Variants in RGS3 observed in about 807,000 individuals in gnomAD.
RGS3 encodes regulator of G-protein signalling 3.
In RGS3, 80 loss-of-function variants were observed where a neutral mutation model predicts 132.6. That is an observed-to-expected ratio of 0.60 (90% CI 0.50 to 0.73). RGS3 has a LOEUF of 0.73. Among genes scored for constraint, RGS3 ranks in the 30% least tolerant of loss-of-function variants. The pLI is 0.00. For missense variants in RGS3, 1,382 were observed against 1,530.8 expected, an observed-to-expected ratio of 0.90 and a Z score of 1.62; for synonymous variants, 598 against 620.6, an observed-to-expected ratio of 0.96 and a Z score of 0.54.
chr9:113,569,577 CTT>C (rs1834174883), intron 19 of RGS3, among the ~76,000 whole-genome samples: 3 of 145,626 alleles, frequency 2.1e-5, no homozygotes, highest in Admixed American at 2.0e-4. Flanking sequence ...GTCTTTCCTT[CTT>C]TCCTTCCTTC....
At chr9:113,516,108 T>C (rs909773114) in intron 15 of RGS3, among the ~76,000 whole-genome samples, 1 of 152,232 alleles carries the variant, frequency 6.6e-6, no homozygotes, top group Non-Finnish European at 1.5e-5. Flanking sequence ...ATCAGCAGCA[T>C]AGACATGACT....
upstream of RGS3, among the ~76,000 whole-genome samples, chr9:113,456,495 C>T (rs746894969): frequency 8.5e-5 from 13 of 152,228 alleles, no homozygotes; most frequent in Non-Finnish European, 1.3e-4. Flanking sequence ...TACTCAATCA[C>T]CATGGCCTGT....
At chr9:113,474,749 G>A (rs1454476455) in intron 3 of RGS3, among the ~76,000 whole-genome samples, 1 of 152,196 alleles carries the variant, frequency 6.6e-6, no homozygotes, top group Non-Finnish European at 1.5e-5. Context: ...GGCTTCTGGG[G>A]TGAATTGGAT....
intron 19 of RGS3, among the ~76,000 whole-genome samples, chr9:113,546,611 A>G (rs1460917319): frequency 6.6e-6 from 1 of 152,214 alleles, no homozygotes; most frequent in Non-Finnish European, 1.5e-5. Flanking sequence ...ACTAGAGCTC[A>G]GGTCTCCTGA....
chr9:113,559,335 G>A (rs948492826), intron 19 of RGS3, among the ~76,000 whole-genome samples: 4 of 152,248 alleles, frequency 2.6e-5, no homozygotes, highest in Admixed American at 2.6e-4. Context: ...GAGCCAGGAA[G>A]GGAGACAGTC....
At chr9:113,516,760 G>C (rs1442254885) in intron 15 of RGS3, among the ~76,000 whole-genome samples, 1 of 152,132 alleles carries the variant, frequency 6.6e-6, no homozygotes, top group Non-Finnish European at 1.5e-5. Flanking sequence ...GCAGTGGTAT[G>C]ATCACAGCTC....
chr9:113,497,891 C>T, intron 9 of RGS3, 134 bp from the exon 8 acceptor site: 1 of 793,368 alleles, frequency 1.3e-6, no homozygotes, highest in East Asian at 2.7e-5. Flanking sequence ...CTCAGGTGTC[C>T]CCACATCCTG....
At chr9:113,454,273 G>C (rs1202721395) in intron 1 of RGS3, among the ~76,000 whole-genome samples, 1 of 151,958 alleles carries the variant, frequency 6.6e-6, no homozygotes, top group Non-Finnish European at 1.5e-5. Flanking sequence ...ATTCTTACAA[G>C]TATTCTTTAG....
In RGS3 at chr9:113,536,675, G is replaced by A. The variant is rs560061142; in HGVS notation, c.1915-121G>A. ...TTAGTGTGCATTTGCGGCTTTTGGC[G>A]GACACTCCCCTCCTGGCTGCAGCCT... On this transcript the variant is annotated intron_variant, in intron 18 of 24. Transcript: ENST00000350696. The A allele has an allele frequency of 8.0e-6, 12 of 1,503,872 alleles. No individual in the cohort carries two copies. The South Asian group carries it at 9.2e-5, about 12-fold the overall frequency. 93.2% of individuals were successfully genotyped at this position (1,503,872 alleles called of 1,614,324 possible). A position where few individuals can be genotyped will look rare whatever the true frequency, so the allele number is the denominator to read the frequency against.
At chr9:113,559,164 C>G (rs754191836) in intron 19 of RGS3, among the ~76,000 whole-genome samples, 2 of 152,252 alleles carry the variant, frequency 1.3e-5, no homozygotes, top group Non-Finnish European at 2.9e-5. Flanking sequence ...GGTCACAGGC[C>G]TGGCCTCCCC....
In RGS3 at chr9:113,461,872, C is replaced by T. The variant is rs778268039; in HGVS notation, c.234+12C>T. On this transcript the variant is annotated intron_variant, in intron 2 of 24. Transcript: ENST00000350696. ...GAAGTTGTGAAGAGGTGACTATCAT[C>T]TCAGGCACATCACCTTCCCTTTTCC... The T allele has an allele frequency of 2.6e-5, 42 of 1,610,666 alleles. No homozygotes were observed. In the Admixed American group the frequency reaches 6.7e-4, roughly 26 times the overall value.
chr9:113,568,772 C>A (rs1255842950), intron 19 of RGS3, among the ~76,000 whole-genome samples: 1 of 152,232 alleles, frequency 6.6e-6, no homozygotes, highest in Non-Finnish European at 1.5e-5. Flanking sequence ...GCCCCCTAAG[C>A]CTGGAGAAGC....
intron 19 of RGS3, among the ~76,000 whole-genome samples, chr9:113,567,014 C>T (rs998306779): frequency 6.6e-5 from 10 of 152,244 alleles, no homozygotes; most frequent in Admixed American, 2.6e-4. Flanking sequence ...GGGCTCACTG[C>T]AAGCCCAGAC....
At chr9:113,512,749 C>T (rs1206542652) in intron 14 of RGS3, among the ~76,000 whole-genome samples, 1 of 152,150 alleles carries the variant, frequency 6.6e-6, no homozygotes, top group Admixed American at 6.5e-5. Context: ...CTGGTAGTTG[C>T]CCATACAGTA....
At chr9:113,446,785 C>T (rs1829109303) in intron 1 of RGS3, among the ~76,000 whole-genome samples, 1 of 151,950 alleles carries the variant, frequency 6.6e-6, no homozygotes. Flanking sequence ...AAAAAGGTGG[C>T]ACATGTCCAA....
intron 1 of RGS3, among the ~76,000 whole-genome samples, chr9:113,447,338 T>TATATATATATATATATATATAC (rs1554751027): frequency 2.4e-4 from 20 of 84,234 alleles, no homozygotes; most frequent in Non-Finnish European, 4.3e-4. Flanking sequence ...TGTATATATA[T>TATATATATATATATATATATAC]ATATATATAT....
intron 19 of RGS3, 51 bp downstream of exon 17, chr9:113,536,969 C>T (rs1757530260): frequency 1.3e-6 from 2 of 1,568,146 alleles, no homozygotes; most frequent in African/African-American, 1.4e-5. Context: ...TCCCCTCAGC[C>T]AGCCTAGACC....
chr9:113,507,634 G>A lies in RGS3; in HGVS notation c.1433G>A (p.Ser478Asn). ...ATCCTGGCCCCGCTGAATCCTGGGA[G>A]CCAGGTACGGACAGCTGGTGTGGGG... The change falls in exon 13 of 25, where the codon AGC becomes AAC. Residue 478 changes from serine to asparagine, a missense_variant. Ser to Asn is a conservative substitution (Grantham distance 46). Transcript: ENST00000350696. The surrounding 1 kb of genome is among the most constrained non-coding windows in gnomAD (Gnocchi z 5.0). 1 of 1,463,508 alleles carries A rather than the reference G, an allele frequency of 6.8e-7. No individual in the cohort carries two copies. The highest frequency in any genetic ancestry group is 9.1e-7 in the Non-Finnish European group (1 of 1,103,006). The allele number at this position is 1,463,508 out of a possible 1,614,324, so 90.7% of individuals were successfully genotyped here. A position where few individuals can be genotyped will look rare whatever the true frequency, so the allele number is the denominator to read the frequency against.
At chr9:113,471,584 T>C (rs1050340598) in intron 3 of RGS3, among the ~76,000 whole-genome samples, 6 of 152,076 alleles carry the variant, frequency 3.9e-5, no homozygotes, top group African/African-American at 9.7e-5. Flanking sequence ...TGTTTTTTTT[T>C]CCCTCCCTTT....
Sources: gnomAD v4.1 joint callset for allele counts (sites outside exome capture counted in the v4.1 genomes callset) on GRCh38, gnomAD v4.1.1 for gene constraint, Gnocchi (gnomAD v3.1) non-coding constraint, MANE v1.5 for transcripts, NCBI Gene and HGNC (gene_info 2026-07-23, HGNC 2026-07-21) for gene names.